FNDC3B: variants seen among roughly 807,000 people sequenced by gnomAD.
FNDC3B encodes the protein fibronectin type III domain containing 3B, also known as fibronectin type III domain-containing protein 3B.
Under a neutral mutation model 151.5 loss-of-function variants are expected in FNDC3B, and 12 were observed. The observed-to-expected ratio is 0.08, with a 90% CI of 0.05 to 0.13. The LOEUF (loss-of-function observed/expected upper bound fraction) is 0.13. FNDC3B is among the 10% of genes least tolerant of loss of function. The pLI, the probability that FNDC3B is intolerant of heterozygous loss-of-function variation, is 1.00. For synonymous variants in FNDC3B, 528 were observed against 549.0 expected (o/e 0.96, Z 0.54); for missense variants, 1,214 against 1,505.3 (o/e 0.81, Z 3.20).
At chr3:172,075,600 A>G (rs925829795) in intron 1 of FNDC3B, among the ~76,000 whole-genome samples, 2 of 152,092 alleles carry the variant, frequency 1.3e-5, no homozygotes, top group African/African-American at 4.8e-5. Context: ...TTGTTGAAAC[A>G]TGTCTCATTT....
chr3:172,217,234 G>T (rs895035036), intron 3 of FNDC3B, among the ~76,000 whole-genome samples: 2 of 152,178 alleles, frequency 1.3e-5, no homozygotes, highest in African/African-American at 4.8e-5. Context: ...GGAGTTGAAG[G>T]TTATATTACA....
intron 23 of FNDC3B, among the ~76,000 whole-genome samples, chr3:172,370,035 G>T (rs1734810593): frequency 6.6e-6 from 1 of 151,986 alleles, no homozygotes. Context: ...AACATGTTTT[G>T]AAAGGTACCA....
intron 2 of FNDC3B, among the ~76,000 whole-genome samples, chr3:172,117,032 C>G (rs982648190): frequency 3.9e-5 from 6 of 152,200 alleles, no homozygotes; most frequent in Non-Finnish European, 8.8e-5. Flanking sequence ...ATGAATAATG[C>G]TGCTATGCAC....
At position 172,307,352 on chromosome 3, in the gene FNDC3B, T is replaced by C; in HGVS notation, c.1062-11T>C. 3 of 1,614,092 alleles carry C rather than the reference T, an allele frequency of 1.9e-6. No homozygotes were observed. Among genetic ancestry groups the C allele is most frequent in the Non-Finnish European group, 2.5e-6 (3 of 1,179,950 alleles). ...AGTCACTGCCACTGACTGTGTCTGT[T>C]TTGTTTTCAGGGTGTATGCCATGTA... On this transcript the variant is annotated splice_polypyrimidine_tract_variant and intron_variant, in intron 9 of 25. Transcript: ENST00000415807.
chr3:172,042,238 T>C (rs1716122289), intron 1 of FNDC3B, among the ~76,000 whole-genome samples: 1 of 152,202 alleles, frequency 6.6e-6, no homozygotes, highest in Non-Finnish European at 1.5e-5. Context: ...ATAGCTCACA[T>C]CAGACGATGG....
intron 22 of FNDC3B, among the ~76,000 whole-genome samples, chr3:172,360,738 C>T (rs1373178489): frequency 6.6e-6 from 1 of 152,016 alleles, no homozygotes; most frequent in African/African-American, 2.4e-5. Context: ...TCAATTGGCC[C>T]CATTTGTGTA....
intron 11 of FNDC3B, among the ~76,000 whole-genome samples, chr3:172,312,447 G>A (rs544618925): frequency 3.3e-5 from 5 of 152,262 alleles, no homozygotes; most frequent in East Asian, 3.9e-4. Flanking sequence ...AAAGAAACTC[G>A]AATGACCTGT....
At chr3:172,174,954 T>G (rs1723500511) in intron 3 of FNDC3B, among the ~76,000 whole-genome samples, 1 of 42,466 alleles carries the variant, frequency 2.4e-5, no homozygotes, top group Non-Finnish European at 4.9e-5. Flanking sequence ...CCCAATACAA[T>G]TTGCTGTCCA....
At chr3:172,116,711 A>G (rs928553760) in intron 2 of FNDC3B, among the ~76,000 whole-genome samples, 2 of 152,176 alleles carry the variant, frequency 1.3e-5, no homozygotes, top group Admixed American at 6.5e-5. Context: ...GATTACAGGC[A>G]TATGCCACCA....
chr3:172,128,530 G>A (rs1252664347), intron 2 of FNDC3B, among the ~76,000 whole-genome samples: 1 of 152,118 alleles, frequency 6.6e-6, no homozygotes, highest in East Asian at 1.9e-4. Flanking sequence ...ATGGGGGCCT[G>A]GGAAGAGCTT....
intron 3 of FNDC3B, chr3:172,187,434 A>G (rs904207299): frequency 9.2e-5 from 14 of 152,180 alleles, no homozygotes; most frequent in African/African-American, 3.4e-4. Flanking sequence ...CCTTGGTGGG[A>G]TGCCTAGCAC....
intron 22 of FNDC3B, among the ~76,000 whole-genome samples, chr3:172,357,769 A>G (rs1355165225): frequency 1.3e-5 from 2 of 152,186 alleles, no homozygotes; most frequent in East Asian, 3.9e-4. Flanking sequence ...TTACATCATC[A>G]TTAGAAATAA....
At chr3:172,085,482 G>A (rs1340627112) in intron 1 of FNDC3B, among the ~76,000 whole-genome samples, 1 of 152,240 alleles carries the variant, frequency 6.6e-6, no homozygotes, top group East Asian at 1.9e-4. Flanking sequence ...TCTTGATACC[G>A]AAGCTGAGTT....
intron 3 of FNDC3B, among the ~76,000 whole-genome samples, chr3:172,141,145 T>G: frequency 6.6e-6 from 1 of 151,752 alleles, no homozygotes; most frequent in South Asian, 2.1e-4. Context: ...TACTGATTTT[T>G]CCCCCCCCTA....
chr3:172,057,604 A>G (rs1048876962), intron 1 of FNDC3B, among the ~76,000 whole-genome samples: 3 of 152,102 alleles, frequency 2.0e-5, no homozygotes, highest in Admixed American at 2.0e-4. Context: ...AAAGGATAAT[A>G]GGGATCGAAG....
intron 1 of FNDC3B, among the ~76,000 whole-genome samples, chr3:172,041,011 G>A (rs963031754): frequency 6.6e-6 from 1 of 152,230 alleles, no homozygotes; most frequent in Non-Finnish European, 1.5e-5. Context: ...TATCCAGACA[G>A]TGCCGTTTGC....
At chr3:172,376,132 A>T (rs1251476199) in intron 23 of FNDC3B, among the ~76,000 whole-genome samples, 1 of 152,244 alleles carries the variant, frequency 6.6e-6, no homozygotes, top group African/African-American at 2.4e-5. Context: ...TAAACAGTTA[A>T]TAAAATTCTC....
chr3:172,322,121 G>T (rs1177540610), intron 11 of FNDC3B, among the ~76,000 whole-genome samples: 2 of 152,180 alleles, frequency 1.3e-5, no homozygotes, highest in Admixed American at 6.5e-5. Context: ...TCTGGGTTAG[G>T]GATTTGGACA....
intron 25 of FNDC3B, among the ~76,000 whole-genome samples, chr3:172,389,291 C>A (rs974007213): frequency 6.6e-6 from 1 of 152,012 alleles, no homozygotes; most frequent in African/African-American, 2.4e-5. Flanking sequence ...TTGTTACTTT[C>A]TTTGAACCTG....
Sources: allele counts gnomAD v4.1 joint callset (sites outside exome capture counted in the v4.1 genomes callset), GRCh38; gene constraint gnomAD v4.1.1; transcripts MANE v1.5; gene names NCBI Gene and HGNC (gene_info 2026-07-23, HGNC 2026-07-21).